Variants in SLC9B1 observed in about 807,000 individuals in gnomAD.
The protein encoded by SLC9B1 is sodium/hydrogen exchanger 9B1.
In SLC9B1, 32 loss-of-function variants were observed where a neutral mutation model predicts 51.7. That is an observed-to-expected ratio of 0.62 (90% confidence interval 0.47 to 0.83). The LOEUF (loss-of-function observed/expected upper bound fraction) is 0.83, where lower values mean the gene tolerates loss of function less well. Among genes scored for constraint, SLC9B1 ranks in the 40% least tolerant of loss-of-function variants. SLC9B1 has a pLI of 0.00. For missense variants in SLC9B1, 406 were observed against 613.2 expected (o/e 0.66, Z 3.57); for synonymous variants, 145 against 212.7 (o/e 0.68, Z 2.77).
chr4:102,926,279 T>C (rs185649910), intron 7 of SLC9B1, among the ~76,000 whole-genome samples: 1,712 of 152,304 alleles, frequency 0.011, 9 homozygotes, highest in Non-Finnish European at 0.017. Flanking sequence ...ATAAATGGTA[T>C]TCAGTTAGGA....
At chr4:102,982,600 T>C (rs1189773161) in intron 3 of SLC9B1, among the ~76,000 whole-genome samples, 2 of 152,174 alleles carry the variant, frequency 1.3e-5, no homozygotes, top group African/African-American at 2.4e-5. Flanking sequence ...ATAGATCTTG[T>C]ATATATTTTT....
intron 1 of SLC9B1, among the ~76,000 whole-genome samples, chr4:103,012,430 G>A (rs936629203): frequency 6.6e-6 from 1 of 152,186 alleles, no homozygotes; most frequent in Admixed American, 6.5e-5. Context: ...CTAAGAACAT[G>A]AAGGCTCTTT....
chr4:102,924,120 C>T (rs1235570818), intron 7 of SLC9B1, among the ~76,000 whole-genome samples: 1 of 152,150 alleles, frequency 6.6e-6, no homozygotes, highest in African/African-American at 2.4e-5. Flanking sequence ...GCCAAAAGAA[C>T]AAAGCTGGAG....
chr4:102,915,699 T>C (rs185807950), intron 7 of SLC9B1, among the ~76,000 whole-genome samples: 1 of 152,282 alleles, frequency 6.6e-6, no homozygotes, highest in Non-Finnish European at 1.5e-5. Flanking sequence ...TCACTTTTAA[T>C]TGAAGCATAG....
chr4:102,966,404 G>T (rs6821173), intron 3 of SLC9B1, among the ~76,000 whole-genome samples: 2 of 152,060 alleles, frequency 1.3e-5, no homozygotes, highest in African/African-American at 2.4e-5. Context: ...ACGCCATCAA[G>T]GCTTACCACT....
At chr4:103,017,763 A>G (rs1741462584) in intron 1 of SLC9B1, among the ~76,000 whole-genome samples, 1 of 152,174 alleles carries the variant, frequency 6.6e-6, no homozygotes, top group Non-Finnish European at 1.5e-5. Context: ...TAGTTTACCT[A>G]TTTTCTATCT....
intron 1 of SLC9B1, among the ~76,000 whole-genome samples, chr4:102,999,581 G>C (rs1740410700): frequency 6.6e-6 from 1 of 152,054 alleles, no homozygotes; most frequent in African/African-American, 2.4e-5. Flanking sequence ...GTTTGACATT[G>C]TGTACAAATT....
chr4:102,986,249 GTGT>G (rs1160350583), intron 3 of SLC9B1, among the ~76,000 whole-genome samples: 2 of 107,016 alleles, frequency 1.9e-5, no homozygotes, highest in African/African-American at 4.7e-5. Context: ...TCTAAGGCTG[GTGT>G]TGTTTTTTTT....
chr4:102,934,189 T>C (rs1355452064), intron 6 of SLC9B1, among the ~76,000 whole-genome samples: 2 of 152,242 alleles, frequency 1.3e-5, no homozygotes, highest in African/African-American at 4.8e-5. Flanking sequence ...AAAATTCATT[T>C]GGAAGAATAA....
intron 11 of SLC9B1, among the ~76,000 whole-genome samples, chr4:102,902,334 A>G (rs781331865): frequency 2.6e-5 from 4 of 152,176 alleles, no homozygotes; most frequent in Non-Finnish European, 4.4e-5. Flanking sequence ...GAACCCCTCA[A>G]TTTAAGATCA....
chr4:102,946,431 C>T (rs1412247662), intron 5 of SLC9B1, among the ~76,000 whole-genome samples: 1 of 151,230 alleles, frequency 6.6e-6, no homozygotes, highest in Non-Finnish European at 1.5e-5. Context: ...TTGCCTCAGC[C>T]TCCCGAGTAG....
In SLC9B1 at chr4:102,930,616, C is replaced by T. The variant is rs568526919; in HGVS notation, c.829+1508G>A. 6.6e-5 allele frequency among the ~76,000 whole-genome samples: 10 copies of T among 151,806 alleles called. No homozygotes were observed. The East Asian group carries it at 2.0e-3, about 30-fold the overall frequency. On this transcript the variant is annotated intron_variant, in intron 7 of 11. Transcript: ENST00000296422. Reference sequence around the variant, plus strand: ...GACAGGGTTTCACCATGTTGGTTGGCCAGGCTGGTCTTGAACTCCTGATCT... The same window carrying T: ...GACAGGGTTTCACCATGTTGGTTGGTCAGGCTGGTCTTGAACTCCTGATCT...
At chr4:102,995,781 A>G (rs1370985503) in intron 1 of SLC9B1, among the ~76,000 whole-genome samples, 3 of 152,146 alleles carry the variant, frequency 2.0e-5, no homozygotes, top group Admixed American at 2.0e-4. Context: ...ACTGGCCTCA[A>G]TTTCCTTATC....
chr4:102,894,030 C>T (rs1466792546), intron 11 of SLC9B1, among the ~76,000 whole-genome samples: 1 of 152,070 alleles, frequency 6.6e-6, no homozygotes, highest in Non-Finnish European at 1.5e-5. Context: ...ATGCAAAGAG[C>T]ACTGTATTTC....
chr4:102,934,565 G>A (rs2110461556), intron 6 of SLC9B1, among the ~76,000 whole-genome samples: 1 of 152,196 alleles, frequency 6.6e-6, no homozygotes, highest in Non-Finnish European at 1.5e-5. Context: ...TTGGGAGGCT[G>A]AGGCGGACAG....
At chr4:102,967,458 A>G (rs1274970522) in intron 3 of SLC9B1, among the ~76,000 whole-genome samples, 1 of 152,228 alleles carries the variant, frequency 6.6e-6, no homozygotes, top group East Asian at 1.9e-4. Flanking sequence ...GCAGTTCTGC[A>G]GGCTGGAAAG....
intron 3 of SLC9B1, among the ~76,000 whole-genome samples, chr4:102,957,239 TAA>T (rs1737856578): frequency 6.6e-6 from 1 of 152,088 alleles, no homozygotes; most frequent in South Asian, 2.1e-4. Flanking sequence ...AAGAGAGAGA[TAA>T]GAGGGCAGAA....
intron 7 of SLC9B1, among the ~76,000 whole-genome samples, chr4:102,918,949 A>G (rs1735723835): frequency 6.6e-6 from 1 of 152,204 alleles, no homozygotes; most frequent in South Asian, 2.1e-4. Flanking sequence ...GGCAGCTGCC[A>G]AGGCTTGGGG....
intron 3 of SLC9B1, among the ~76,000 whole-genome samples, chr4:102,983,903 T>C (rs1242558623): frequency 2.6e-5 from 4 of 152,048 alleles, no homozygotes; most frequent in African/African-American, 7.2e-5. Context: ...ATTATATTAC[T>C]TTTTTTCTTC....
Sources: allele counts gnomAD v4.1 joint callset (sites outside exome capture counted in the v4.1 genomes callset), GRCh38; gene constraint gnomAD v4.1.1; transcripts MANE v1.5; gene names NCBI Gene and HGNC (gene_info 2026-07-23, HGNC 2026-07-21).